CFAP20DC: variants seen among roughly 807,000 people sequenced by gnomAD.
The protein encoded by CFAP20DC is CFAP20 domain containing, also known as protein CFAP20DC.
In CFAP20DC, 84 loss-of-function variants were observed where a neutral mutation model predicts 101.7. The observed-to-expected ratio is 0.83, with a 90% CI of 0.69 to 0.99. The LOEUF (loss-of-function observed/expected upper bound fraction) is 0.99, where lower values mean the gene tolerates loss of function less well. Ranked by LOEUF, CFAP20DC falls within the 50% of genes least tolerant of loss-of-function variation. The probability of loss-of-function intolerance (pLI) is 0.00; values close to 1 mark genes in which losing one functional copy is unlikely to be tolerated. For missense variants in CFAP20DC, 1,007 were observed against 970.3 expected (o/e 1.04, Z -0.50); for synonymous variants, 359 against 351.2 (o/e 1.02, Z -0.25).
Position 58,742,488 on chromosome 3 carries a change from T to TG in CFAP20DC, c.2416dup (p.Gln806ProfsTer7). The TG allele has an allele frequency of 6.2e-7, 1 of 1,607,046 alleles. No individual in the cohort carries two copies. The highest frequency in any genetic ancestry group is 8.5e-7 in the Non-Finnish European group (1 of 1,176,544). On this transcript the variant is annotated frameshift_variant, in exon 17 of 17. Transcript: ENST00000482387. LOFTEE classifies it high-confidence loss of function. ...TACCAACTCATAGTATTTCCCTGTT[T>TG]GGGGGTCAAAGTAACAGTTCAGACA...
chr3:59,040,887 T>C (rs1428865884), intron 3 of CFAP20DC, among the ~76,000 whole-genome samples: 2 of 152,006 alleles, frequency 1.3e-5, no homozygotes, highest in Non-Finnish European at 2.9e-5. Flanking sequence ...TGCTTAGTAC[T>C]CTCCAGAGGG....
At chr3:58,818,294 T>C (rs1315865368) in intron 14 of CFAP20DC, among the ~76,000 whole-genome samples, 3 of 149,802 alleles carry the variant, frequency 2.0e-5, no homozygotes, top group African/African-American at 7.4e-5. Flanking sequence ...ATAACAATAT[T>C]AACTTTAAAT....
At chr3:58,991,574 A>AT (rs2108622449) in intron 4 of CFAP20DC, among the ~76,000 whole-genome samples, 1 of 152,258 alleles carries the variant, frequency 6.6e-6, no homozygotes, top group South Asian at 2.1e-4. Context: ...TTTTCTATGA[A>AT]CGGGGTAGGG....
intron 13 of CFAP20DC, among the ~76,000 whole-genome samples, chr3:58,846,459 G>A (rs1452532118): frequency 6.6e-6 from 1 of 151,986 alleles, no homozygotes; most frequent in Non-Finnish European, 1.5e-5. Flanking sequence ...ACCTACAAGG[G>A]ATGTGAAGGA....
chr3:58,840,253 A>G (rs1355212735), intron 13 of CFAP20DC, among the ~76,000 whole-genome samples: 2 of 152,148 alleles, frequency 1.3e-5, no homozygotes, highest in African/African-American at 4.8e-5. Flanking sequence ...AAAACATCAA[A>G]TATCAGACTG....
chr3:58,926,995 A>AT (rs1402626020), intron 5 of CFAP20DC, among the ~76,000 whole-genome samples: 1 of 152,204 alleles, frequency 6.6e-6, no homozygotes, highest in Non-Finnish European at 1.5e-5. Context: ...GCATCAACTA[A>AT]TTGAAATTAC....
chr3:58,727,150 GTCCATTTGGTTCTT>G (rs1193517763), intron 3 of CFAP20DC: 6 of 159,366 alleles, frequency 3.8e-5, no homozygotes, highest in Non-Finnish European at 8.3e-5. Context: ...TTGCTCCTCA[GTCCATTTGGTTCTT>G]TCTTCTGCAA....
rs2082743252 is a variant in CFAP20DC at position 58,897,263 on chromosome 3, C to A, written c.551-12554G>T. 6.6e-6 allele frequency among the ~76,000 whole-genome samples: 1 copy of A among 152,110 alleles called. No individual in the cohort carries two copies. The highest frequency in any genetic ancestry group is 2.4e-5 in the African/African-American group (1 of 41,428). ...TTTTCCTCCATTCCTTTATTTTAAG[C>A]CTATGTGTGTGTCTTTGCACATGAG... On this transcript the variant is annotated intron_variant, in intron 6 of 16. Coordinates refer to ENST00000482387, the MANE Select transcript of CFAP20DC (RefSeq NM_001394063.1). The surrounding 1 kb of genome is among the most constrained non-coding windows in gnomAD (Gnocchi z 4.4).
At chr3:58,802,503 G>A (rs183252595) in intron 15 of CFAP20DC, among the ~76,000 whole-genome samples, 11 of 152,324 alleles carry the variant, frequency 7.2e-5, no homozygotes, top group African/African-American at 2.4e-4. Flanking sequence ...CTGTGATGCT[G>A]TTTAAATATC....
At chr3:58,757,408 T>C (rs962691784) in intron 15 of CFAP20DC, among the ~76,000 whole-genome samples, 10 of 152,042 alleles carry the variant, frequency 6.6e-5, no homozygotes, top group African/African-American at 2.4e-4. Context: ...GCATGTGCCA[T>C]ATATATGATT....
intron 5 of CFAP20DC, among the ~76,000 whole-genome samples, chr3:58,915,641 C>T (rs2084607668): frequency 6.6e-6 from 1 of 152,060 alleles, no homozygotes; most frequent in Non-Finnish European, 1.5e-5. Context: ...CTACCCAATA[C>T]AGTTACTACT....
intron 14 of CFAP20DC, among the ~76,000 whole-genome samples, chr3:58,809,450 C>T (rs1292502873): frequency 2.6e-4 from 40 of 152,240 alleles, no homozygotes; most frequent in African/African-American, 9.1e-4. Flanking sequence ...TCCTGAATGA[C>T]TACTGGGTAC....
At chr3:58,828,762 T>C (rs549924604) in intron 14 of CFAP20DC, among the ~76,000 whole-genome samples, 26 of 151,946 alleles carry the variant, frequency 1.7e-4, no homozygotes, top group Admixed American at 9.2e-4. Flanking sequence ...CAATGTACCC[T>C]GGTGACAAAT....
In CFAP20DC at chr3:58,870,246, A is replaced by G. The variant is rs2080038500; in HGVS notation, c.779T>C (p.Ile260Thr). The stretch of plus-strand genomic sequence containing the variant: ...CCCAAGAACTTTGGATCCAAATGCG[A>G]TATGACAAACATCTTGATTTTTACT... ...RNSKNQDVCH[I>T]AFGSKVLGPP... The change falls in exon 8 of 17, where the codon ATC (isoleucine) becomes ACC (threonine). Residue 260 changes from isoleucine to threonine, a missense_variant. Physicochemically the swap from Ile to Thr is moderately conservative, Grantham distance 89 (BLOSUM62 -1). Coordinates refer to ENST00000482387, the MANE Select transcript of CFAP20DC (RefSeq NM_001394063.1). 6.2e-7 allele frequency: 1 copy of G among 1,613,982 alleles called. No homozygotes were observed. Among genetic ancestry groups the G allele is most frequent in the East Asian group, 2.2e-5 (1 of 44,874 alleles).
chr3:58,938,553 A>G (rs1423798034), intron 4 of CFAP20DC, among the ~76,000 whole-genome samples: 1 of 151,474 alleles, frequency 6.6e-6, no homozygotes, highest in Non-Finnish European at 1.5e-5. Flanking sequence ...GTTATTAGGG[A>G]AAAACTTTGT....
rs577032827 is a variant in CFAP20DC, at chr3:58,806,734, C to T, written c.2176-278G>A. Reference sequence around the variant, plus strand: ...AGTGGGTGCAGGACAGTGGGTGCAGCGCACCGTGTGCGAGCCGAAGCAGGG... The same window carrying T: ...AGTGGGTGCAGGACAGTGGGTGCAGTGCACCGTGTGCGAGCCGAAGCAGGG... On this transcript the variant is annotated intron_variant, in intron 14 of 16. Coordinates refer to ENST00000482387, the MANE Select transcript of CFAP20DC (RefSeq NM_001394063.1). Among the ~76,000 whole-genome samples, 9 of 152,276 alleles carry T rather than the reference C, an allele frequency of 5.9e-5. No individual in the cohort carries two copies. The South Asian group carries it at 6.2e-4, about 11-fold the overall frequency.
chr3:58,996,933 G>A (rs780158273), intron 4 of CFAP20DC, among the ~76,000 whole-genome samples: 3 of 152,182 alleles, frequency 2.0e-5, no homozygotes, highest in Admixed American at 6.5e-5. Flanking sequence ...TTTTGCAGCC[G>A]GGAGGAGCCT....
chr3:59,039,669 A>AT (rs1459599408), intron 3 of CFAP20DC, 40 bp from the exon 4 acceptor site: 1 of 1,251,968 alleles, frequency 8.0e-7, no homozygotes, highest in South Asian at 1.4e-5. Flanking sequence ...TGTTCGAAGC[A>AT]TTTATATGTG....
rs2072539406 is a variant in CFAP20DC, at chr3:58,788,194, A to C, written c.2237+18201T>G. ...ACTAAAAAACAAAGCAAAACAAAAC[A>C]AAACTCCAACTCACTGCATACAGAC... On this transcript the variant is annotated intron_variant, in intron 15 of 16. Coordinates refer to ENST00000482387, the MANE Select transcript of CFAP20DC (RefSeq NM_001394063.1). This position sits in a 1 kb window ranked among gnomAD's most constrained non-coding sequence, Gnocchi z 4.2. Among the ~76,000 whole-genome samples the C allele has an allele frequency of 6.6e-6, 1 of 152,068 alleles. No homozygotes were observed. The highest frequency in any genetic ancestry group is 6.6e-5 in the Admixed American group (1 of 15,236).
Sources: gnomAD v4.1 joint callset for allele counts (sites outside exome capture counted in the v4.1 genomes callset) on GRCh38, gnomAD v4.1.1 for gene constraint, Gnocchi (gnomAD v3.1) non-coding constraint, MANE v1.5 for transcripts, NCBI Gene and HGNC (gene_info 2026-07-23, HGNC 2026-07-21) for gene names.